Variants in MOK observed in about 807,000 individuals in gnomAD.
MOK encodes the protein MAPK/MAK/MRK overlapping kinase.
In MOK, 59 loss-of-function variants were observed where a neutral mutation model predicts 54.2. That is an observed-to-expected ratio of 1.09 (90% CI 0.88 to 1.35). The LOEUF (loss-of-function observed/expected upper bound fraction) is 1.35, where lower values mean the gene tolerates loss of function less well. Among genes scored for constraint, MOK ranks in the 40% most tolerant of loss-of-function variants. MOK has a pLI of 0.00. For synonymous variants in MOK, 210 were observed against 202.7 expected, an observed-to-expected ratio of 1.04 and a Z score of -0.31; for missense variants, 517 against 526.2, an observed-to-expected ratio of 0.98 and a Z score of 0.17.
At position 102,238,134 on chromosome 14, in the gene MOK, A is replaced by G. The variant is rs751462707; in HGVS notation, c.591-4345T>C. 6.6e-6 allele frequency: 1 copy of G among 152,130 alleles called. No individual in the cohort carries two copies. Among genetic ancestry groups the G allele is most frequent in the South Asian group, 2.1e-4 (1 of 4,830 alleles). The allele number at this position is 152,130 out of a possible 1,614,324, so 9.4% of individuals were successfully genotyped here. A position where few individuals can be genotyped will look rare whatever the true frequency, so the allele number is the denominator to read the frequency against. Reference sequence around the variant, plus strand: ...CTCTCACCAACCCCGATGACCAGCTATTTATAGATGGCCCCCCTTCTGGGC... The same window carrying G: ...CTCTCACCAACCCCGATGACCAGCTGTTTATAGATGGCCCCCCTTCTGGGC... On this transcript the variant is annotated intron_variant, in intron 7 of 11. Coordinates refer to ENST00000361847, the MANE Select transcript of MOK (RefSeq NM_014226.3). This position sits in a 1 kb window ranked among gnomAD's most constrained non-coding sequence, Gnocchi z 4.8.
the MOK span, chr14:102,215,003 A>G: frequency 1.0e-6 from 1 of 983,682 alleles, no homozygotes; most frequent in Non-Finnish European, 1.2e-6. Flanking sequence ...AGTGAACTGT[A>G]AATGTAGATA....
At chr14:102,294,405 C>T (rs890476371) in intron 1 of MOK, among the ~76,000 whole-genome samples, 1 of 149,204 alleles carries the variant, frequency 6.7e-6, no homozygotes, top group Non-Finnish European at 1.5e-5. Context: ...GAGATAGCGC[C>T]ACTGCACTCC....
Position 102,232,297 on chromosome 14 carries a change from G to A in MOK, c.866+238C>T, listed in dbSNP as rs1399486562. ...GTAGCCTTGGCATCAACCGCAAAGT[G>A]GACAGCCAGCCCCTCTTTCTCCTGC... On this transcript the variant is annotated intron_variant, in intron 9 of 11. Transcript: ENST00000361847. The surrounding 1 kb of genome is among the most constrained non-coding windows in gnomAD (Gnocchi z 5.1). 8.7e-6 allele frequency: 4 copies of A among 462,132 alleles called. No homozygotes were observed. Among genetic ancestry groups the A allele is most frequent in the Non-Finnish European group, 1.5e-5 (4 of 264,946 alleles). 28.6% of individuals were successfully genotyped at this position (462,132 alleles called of 1,614,324 possible). A position where few individuals can be genotyped will look rare whatever the true frequency, so the allele number is the denominator to read the frequency against.
At chr14:102,252,695 G>T (rs75448782) in intron 4 of MOK, among the ~76,000 whole-genome samples, 3,512 of 152,244 alleles carry the variant, frequency 0.023, 58 homozygotes, top group Middle Eastern at 0.037. Flanking sequence ...TGGAGTGAAT[G>T]CTCTTTAATC....
chr14:102,226,792 T>TGATGTGGGAACCC (rs1400350010), downstream of MOK, among the ~76,000 whole-genome samples: 1 of 152,134 alleles, frequency 6.6e-6, no homozygotes, highest in African/African-American at 2.4e-5. This position sits in a 1 kb window ranked among gnomAD's most constrained non-coding sequence, Gnocchi z 4.8. Context: ...CTTGGGAAGC[T>TGATGTGGGAACCC]GATGTGGGAA....
chr14:102,256,891 G>A (rs1006931869), intron 4 of MOK, among the ~76,000 whole-genome samples: 31 of 152,068 alleles, frequency 2.0e-4, no homozygotes, highest in African/African-American at 6.8e-4. Context: ...ATAAGCACAC[G>A]CGCCCAAATA....
At chr14:102,277,976 A>G (rs2069041286) in intron 2 of MOK, among the ~76,000 whole-genome samples, 1 of 152,248 alleles carries the variant, frequency 6.6e-6, no homozygotes, top group Non-Finnish European at 1.5e-5. Flanking sequence ...GGGGCTTTTG[A>G]GAGGTAATTA....
chr14:102,305,085 C>G lies in MOK; in HGVS notation c.-117G>C, dbSNP rs2072643087. ...AGGCGGGGTCCCGCACTAGGATCTC[C>G]GTGGTGGTCCCTCGAAGGAGAGCGT... On this transcript the variant is annotated 5_prime_UTR_variant, in exon 1 of 12. Coordinates refer to ENST00000361847, the MANE Select transcript of MOK (RefSeq NM_014226.3). 2 of 1,223,696 alleles carry G rather than the reference C, an allele frequency of 1.6e-6. No individual in the cohort carries two copies. The highest frequency in any genetic ancestry group is 2.6e-5 in the South Asian group (2 of 77,062). The allele number at this position is 1,223,696 out of a possible 1,614,324, so 75.8% of individuals were successfully genotyped here.
chr14:102,214,724 A>G, the MOK span: 2 of 981,132 alleles, frequency 2.0e-6, no homozygotes, highest in Non-Finnish European at 2.4e-6. Context: ...TTTTCATCCA[A>G]TTTCTTGACA....
the MOK span, among the ~76,000 whole-genome samples, chr14:102,218,368 G>A: frequency 6.6e-6 from 1 of 152,184 alleles, no homozygotes; most frequent in African/African-American, 2.4e-5. Flanking sequence ...AGAAGGGGAA[G>A]CCCTCCCAGA....
At chr14:102,260,521 T>G (rs1438843497) in intron 4 of MOK, 2 of 152,118 alleles carry the variant, frequency 1.3e-5, no homozygotes, top group Non-Finnish European at 2.9e-5. Context: ...TTTTCAAATT[T>G]TACCAACTCT....
At chr14:102,227,573 T>C (rs894951506), downstream of MOK, among the ~76,000 whole-genome samples, 2 of 152,206 alleles carry the variant, frequency 1.3e-5, no homozygotes, top group African/African-American at 4.8e-5. Flanking sequence ...CTCTGGAACA[T>C]TATGGCAAGC....
chr14:102,229,555 A>G lies in MOK; in HGVS notation c.1084T>C (p.Ser362Pro). 1 of 1,614,112 alleles carries G rather than the reference A, an allele frequency of 6.2e-7. No individual in the cohort carries two copies. The highest frequency in any genetic ancestry group is 8.5e-7 in the Non-Finnish European group (1 of 1,180,022). ...GACTGCAGCGTGGGGCTGGAGTAAG[A>G]CGACAGTCTGACCACTCCCGAAAGC... ...LKLSGVVRLS[S>P]YSSPTLQSVL... Residue 362 changes from serine to proline, a missense_variant, in exon 11 of 12, where the codon TCT becomes CCT. By Grantham distance (74) the Ser-to-Pro change is moderately conservative. Coordinates refer to ENST00000361847, the MANE Select transcript of MOK (RefSeq NM_014226.3).
intron 4 of MOK, 148 bp downstream of exon 4, chr14:102,263,398 G>A (rs2067634199): frequency 2.2e-6 from 1 of 450,390 alleles, no homozygotes; most frequent in Non-Finnish European, 3.7e-6. Context: ...TCAGAAAAAT[G>A]CCTCCTGGTG....
chr14:102,248,849 A>G (rs564228354), intron 7 of MOK, among the ~76,000 whole-genome samples: 24 of 150,646 alleles, frequency 1.6e-4, no homozygotes, highest in African/African-American at 5.9e-4. Context: ...TCCCCTCCCC[A>G]ATATAAATCC....
At position 102,265,847 on chromosome 14, in the gene MOK, ATGTT is replaced by A. The variant is rs1161758214; in HGVS notation, c.184_187del (p.Asn62PhefsTer18). 1.2e-6 allele frequency: 2 copies of A among 1,613,850 alleles called. No individual in the cohort carries two copies. Among genetic ancestry groups the A allele is most frequent in the Non-Finnish European group, 1.7e-6 (2 of 1,179,882 alleles). ...CAAAACCACTTCATGCAACATAAGA[ATGTT>A]TGGGTGCGGATTCAGGCGCCTCAGT... On this transcript the variant is annotated frameshift_variant, in exon 3 of 12. Transcript: ENST00000361847. LOFTEE classifies it high-confidence loss of function.
downstream of MOK, chr14:102,224,472 T>A (rs1470143649): frequency 2.4e-6 from 1 of 412,216 alleles, no homozygotes; most frequent in African/African-American, 2.1e-5. Context: ...TGTTTATTTA[T>A]TTTTTTAAAA....
intron 1 of MOK, among the ~76,000 whole-genome samples, chr14:102,294,020 C>T (rs2071096497): frequency 6.6e-6 from 1 of 152,144 alleles, no homozygotes; most frequent in Non-Finnish European, 1.5e-5. Context: ...CGGGAAGGGG[C>T]CAGGTGTGGT....
intron 1 of MOK, among the ~76,000 whole-genome samples, chr14:102,299,843 G>A (rs950293200): frequency 6.6e-6 from 1 of 152,120 alleles, no homozygotes; most frequent in African/African-American, 2.4e-5. Context: ...TCAGCCTCTC[G>A]AAGTGCTGGG....
Sources: allele counts gnomAD v4.1 joint callset (sites outside exome capture counted in the v4.1 genomes callset), GRCh38; gene constraint gnomAD v4.1.1; non-coding constraint Gnocchi (gnomAD v3.1); transcripts MANE v1.5; gene names NCBI Gene and HGNC (gene_info 2026-07-23, HGNC 2026-07-21).